NOX1: variants seen among roughly 807,000 people sequenced by gnomAD.
NOX1 encodes the protein NADH/NADPH mitogenic oxidase subunit P65-MOX.
In NOX1, 34 loss-of-function variants were observed where a neutral mutation model predicts 42.5. That is an observed-to-expected ratio of 0.80 (90% CI 0.61 to 1.07). The LOEUF (loss-of-function observed/expected upper bound fraction) is 1.07, where lower values mean the gene tolerates loss of function less well. NOX1 is among the 50% of genes least tolerant of loss of function. The probability of loss-of-function intolerance (pLI) is 0.00; values close to 1 mark genes in which losing one functional copy is unlikely to be tolerated. For missense variants in NOX1, 408 were observed against 427.0 expected (o/e 0.96, Z 0.39); for synonymous variants, 143 against 152.5 (o/e 0.94, Z 0.46).
At chrX:100,853,296 T>TTCTCTCTCTTTC (rs764385712) in intron 7 of NOX1, among the ~76,000 whole-genome samples, 642 of 63,270 alleles carry the variant, frequency 0.01, 1 homozygote, top group African/African-American at 0.018. Context: ...CTTTCTTTCT[T>TTCTCTCTCTTTC]TCTTTCTTTC....
chrX:100,861,397 C>T (rs146704459), intron 7 of NOX1, among the ~76,000 whole-genome samples: 2 of 111,494 alleles, frequency 1.8e-5, no homozygotes, highest in Non-Finnish European at 3.8e-5. Context: ...GATTTAAAGA[C>T]CTTAATCATT....
At chrX:100,848,168 G>A (rs2085086615) in intron 12 of NOX1, among the ~76,000 whole-genome samples, 1 of 111,735 alleles carries the variant, frequency 8.9e-6, no homozygotes, top group Non-Finnish European at 1.9e-5. Context: ...AACCCCAGAT[G>A]AAATTTCCTC....
At chrX:100,871,082 GT>G (rs999136503) in intron 1 of NOX1, among the ~76,000 whole-genome samples, 3 of 112,154 alleles carry the variant, frequency 2.7e-5, no homozygotes, top group African/African-American at 9.7e-5. Flanking sequence ...GCTCAGAATT[GT>G]TTTTTATATT....
At position 100,873,948 on chromosome X, in the gene NOX1, C is replaced by G. The variant is rs1207760980; in HGVS notation, c.45+147G>C. ...TTTGCCTCTGTCCTCTCATCTGACCCACAGTTGTATTTTTTAACTAACTGG... is the reference window on the plus strand; with the variant it reads ...TTTGCCTCTGTCCTCTCATCTGACCGACAGTTGTATTTTTTAACTAACTGG... On this transcript the variant is annotated intron_variant, in intron 1 of 12. Transcript: ENST00000372966. 12 of 414,771 alleles carry G rather than the reference C, an allele frequency of 2.9e-5. 1 individual carries two copies. Among genetic ancestry groups the G allele is most frequent in the Admixed American group, 2.7e-4 (6 of 21,972 alleles). 34.2% of individuals were successfully genotyped at this position (414,771 alleles called of 1,213,427 possible).
chrX:100,849,319 T>A lies in NOX1; in HGVS notation c.1404A>T (p.Leu468=), dbSNP rs1265405080. The change falls in exon 11 of 13, where the codon CTA becomes CTT. Residue 468 remains leucine, a synonymous_variant. Coordinates refer to ENST00000372966, the MANE Select transcript of NOX1 (RefSeq NM_007052.5). ...EMEELGKVGF[L]NYRLFLTGWD... ...ATCCGGTGAGGAAGAGACGGTAGTT[T>A]AGAAAACCCACTTTGCCTAATTCCT... The A allele has an allele frequency of 1.7e-6, 2 of 1,211,789 alleles. No homozygotes were observed. Among genetic ancestry groups the A allele is most frequent in the East Asian group, 3.0e-5 (1 of 33,867 alleles).
chrX:100,844,091 A>G lies in NOX1; in HGVS notation c.1569-13T>C. ...TCCCACTACAGACCTGTAGGAACAG[A>G]ACAATAGTAAGGGCTAGAATGCAGC... On this transcript the variant is annotated splice_polypyrimidine_tract_variant and intron_variant, in intron 12 of 12. Coordinates refer to ENST00000372966, the MANE Select transcript of NOX1 (RefSeq NM_007052.5). 8.6e-7 allele frequency: 1 copy of G among 1,165,727 alleles called. No homozygotes were observed. Among genetic ancestry groups the G allele is most frequent in the Non-Finnish European group, 1.1e-6 (1 of 870,684 alleles).
chrX:100,856,173 C>A, intron 7 of NOX1: 1 of 929,520 alleles, frequency 1.1e-6, no homozygotes, highest in Non-Finnish European at 1.5e-6. Flanking sequence ...TTCGTGGCTG[C>A]ATCCACCTCC....
intron 1 of NOX1, among the ~76,000 whole-genome samples, chrX:100,873,607 A>T (rs183955860): frequency 8.9e-6 from 1 of 112,572 alleles, no homozygotes; most frequent in Non-Finnish European, 1.9e-5. Context: ...AATGAATTAT[A>T]TTGTTAAATA....
chrX:100,852,878 T>C (rs2085124209), intron 7 of NOX1, among the ~76,000 whole-genome samples: 1 of 112,504 alleles, frequency 8.9e-6, no homozygotes, highest in South Asian at 3.7e-4. Flanking sequence ...CAAGATACCA[T>C]TTTAGTCTCT....
At chrX:100,870,964 T>C (rs1408995666) in intron 1 of NOX1, 150 bp from the exon 2 acceptor site, 33 of 422,427 alleles carry the variant, frequency 7.8e-5, no homozygotes, top group Non-Finnish European at 1.2e-4. Flanking sequence ...CCTGCTAGTA[T>C]CTAACTGGCT....
Position 100,843,789 on chromosome X carries a change from C to T in NOX1, c.*163G>A. The T allele has an allele frequency of 2.3e-6, 1 of 439,627 alleles. No homozygotes were observed. The highest frequency in any genetic ancestry group is 3.8e-6 in the Non-Finnish European group (1 of 260,219). 36.2% of individuals were successfully genotyped at this position (439,627 alleles called of 1,213,427 possible). On this transcript the variant is annotated 3_prime_UTR_variant, in exon 13 of 13. Coordinates refer to ENST00000372966, the MANE Select transcript of NOX1 (RefSeq NM_007052.5). ...TTCAGAAGTTCTTAAGTTGCTGAAG[C>T]TCAAGTAACGAAGTTGAATGCAATC... is the stretch of plus-strand genomic sequence containing the variant.
intron 9 of NOX1, 94 bp downstream of exon 9, chrX:100,850,057 T>C (rs2085102947): frequency 1.0e-6 from 1 of 981,015 alleles, no homozygotes; most frequent in Non-Finnish European, 1.4e-6. Flanking sequence ...AATCCTATTC[T>C]ATTGTACCAA....
rs780371283 is a variant in NOX1, at chrX:100,850,136, G to A, written c.1133+15C>T. 1.6e-5 allele frequency: 19 copies of A among 1,173,734 alleles called. No homozygotes were observed. The African/African-American group carries it at 2.7e-4, about 16-fold the overall frequency. On this transcript the variant is annotated intron_variant, in intron 9 of 12. Transcript: ENST00000372966. ...TGCATCCTGGTCTGGGACTCTCCTG[G>A]TCTCAAGGACCTACCTGGGAATTGG...
chrX:100,850,553 A>C (rs988478872), intron 8 of NOX1, among the ~76,000 whole-genome samples, 167 bp from the exon 9 acceptor site: 1 of 112,600 alleles, frequency 8.9e-6, no homozygotes, highest in African/African-American at 3.2e-5. Flanking sequence ...TGGTTGCGAT[A>C]TGGAACCATG....
At position 100,853,316 on chromosome X, in the gene NOX1, T is replaced by C. The variant is rs867905042; in HGVS notation, c.805-1991A>G. Among the ~76,000 whole-genome samples the C allele has an allele frequency of 1.7e-3, 141 of 83,729 alleles. 1 individual carries two copies. The highest frequency in any genetic ancestry group is 5.7e-3 in the African/African-American group (111 of 19,459). The allele number at this position is 83,729 out of a possible 115,157, so 72.7% of individuals were successfully genotyped here. A position where few individuals can be genotyped will look rare whatever the true frequency, so the allele number is the denominator to read the frequency against. Reference sequence around the variant, plus strand: ...TTTCTTTCTTTCTTTCTTTCTTTCTTTCTTTCTCTCTCTTTCTCTTTCTTT... The same window carrying C: ...TTTCTTTCTTTCTTTCTTTCTTTCTCTCTTTCTCTCTCTTTCTCTTTCTTT... On this transcript the variant is annotated intron_variant, in intron 7 of 12. Coordinates refer to ENST00000372966, the MANE Select transcript of NOX1 (RefSeq NM_007052.5).
chrX:100,853,296 T>TTTC (rs2085134682), intron 7 of NOX1, among the ~76,000 whole-genome samples: 1 of 63,866 alleles, frequency 1.6e-5, no homozygotes, highest in East Asian at 3.6e-4. Flanking sequence ...CTTTCTTTCT[T>TTTC]TCTTTCTTTC....
At chrX:100,869,204 A>G (rs977906905) in intron 2 of NOX1, among the ~76,000 whole-genome samples, 6 of 111,181 alleles carry the variant, frequency 5.4e-5, no homozygotes, top group Admixed American at 4.8e-4. Flanking sequence ...GAAGAAAGGC[A>G]TTGGTAGCTT....
At chrX:100,851,379 C>T (rs2085113527) in intron 7 of NOX1, 54 bp from the exon 8 acceptor site, 2 of 671,476 alleles carry the variant, frequency 3.0e-6, no homozygotes, top group Non-Finnish European at 4.4e-6. Context: ...TTGTTTAGGA[C>T]TTATTTGTGT....
intron 12 of NOX1, among the ~76,000 whole-genome samples, chrX:100,844,633 A>G (rs1402889491): frequency 9.1e-6 from 1 of 110,423 alleles, no homozygotes; most frequent in Non-Finnish European, 1.9e-5. Flanking sequence ...GGGTTTCACC[A>G]TGTTGGCCAG....
Sources: allele counts gnomAD v4.1 joint callset (sites outside exome capture counted in the v4.1 genomes callset), GRCh38; gene constraint gnomAD v4.1.1; transcripts MANE v1.5; gene names NCBI Gene and HGNC (gene_info 2026-07-23, HGNC 2026-07-21).